MTUS2: variants seen among roughly 807,000 people sequenced by gnomAD.
MTUS2 encodes the protein microtubule associated scaffold protein 2, also known as microtubule-associated tumor suppressor candidate 2.
Under a neutral mutation model 114.1 loss-of-function variants are expected in MTUS2, and 40 were observed. That is an observed-to-expected ratio of 0.35 (90% CI 0.27 to 0.46). The LOEUF (loss-of-function observed/expected upper bound fraction) is 0.46. Ranked by LOEUF, MTUS2 falls within the 20% of genes least tolerant of loss-of-function variation. The probability of loss-of-function intolerance (pLI) is 1.00; values close to 1 mark genes in which losing one functional copy is unlikely to be tolerated. For synonymous variants in MTUS2, 688 were observed against 672.0 expected (o/e 1.02, Z -0.37); for missense variants, 1,679 against 1,705.4 (o/e 0.98, Z 0.27).
At chr13:29,383,493 C>A (rs1593377899) in intron 8 of MTUS2, among the ~76,000 whole-genome samples, 1 of 152,126 alleles carries the variant, frequency 6.6e-6, no homozygotes, top group East Asian at 1.9e-4. Context: ...GTTTCTAAGG[C>A]AAGGATGACT....
At chr13:29,491,030 C>T (rs1242296734) in intron 11 of MTUS2, among the ~76,000 whole-genome samples, 3 of 109,782 alleles carry the variant, frequency 2.7e-5, no homozygotes, top group Non-Finnish European at 4.1e-5. Flanking sequence ...TGGGGGGATG[C>T]GGGTTTGTGT....
chr13:29,178,231 A>G (rs1304440971), intron 5 of MTUS2, among the ~76,000 whole-genome samples: 1 of 152,184 alleles, frequency 6.6e-6, no homozygotes, highest in Non-Finnish European at 1.5e-5. Context: ...TTGTTTGACT[A>G]AAGCATTTGT....
intron 5 of MTUS2, among the ~76,000 whole-genome samples, chr13:29,237,508 C>T (rs1157927281): frequency 6.6e-6 from 1 of 152,122 alleles, no homozygotes; most frequent in African/African-American, 2.4e-5. Context: ...CCTGCATGTC[C>T]TGATTTTTGG....
chr13:29,291,698 T>C (rs1402260510), intron 6 of MTUS2, among the ~76,000 whole-genome samples: 2 of 152,204 alleles, frequency 1.3e-5, no homozygotes, highest in Admixed American at 1.3e-4. Context: ...TCCTTCTTTT[T>C]TCATTATCAG....
intron 5 of MTUS2, among the ~76,000 whole-genome samples, chr13:29,205,061 A>G (rs1566065089): frequency 6.6e-6 from 1 of 152,296 alleles, no homozygotes; most frequent in East Asian, 1.9e-4. Flanking sequence ...TTAAAGGTAG[A>G]AGACAGAATT....
chr13:29,353,977 A>G (rs562444601), intron 7 of MTUS2, among the ~76,000 whole-genome samples: 1 of 152,236 alleles, frequency 6.6e-6, no homozygotes, highest in Middle Eastern at 3.4e-3. Context: ...CTCTCTGTGG[A>G]GCTCAATCCT....
chr13:29,160,861 TAAACAC>T (rs1049377266), intron 5 of MTUS2, among the ~76,000 whole-genome samples: 1 of 152,196 alleles, frequency 6.6e-6, no homozygotes, highest in African/African-American at 2.4e-5. Flanking sequence ...ACTGTACTGA[TAAACAC>T]AACAACCTTG....
intron 1 of MTUS2, among the ~76,000 whole-genome samples, chr13:28,836,573 G>A (rs1185903946): frequency 6.6e-6 from 1 of 152,222 alleles, no homozygotes; most frequent in Non-Finnish European, 1.5e-5. Context: ...CCAAGGAAGG[G>A]AGTGGTCAGT....
At chr13:29,114,191 A>G (rs1401417362) in intron 5 of MTUS2, among the ~76,000 whole-genome samples, 2 of 152,004 alleles carry the variant, frequency 1.3e-5, no homozygotes, top group African/African-American at 2.4e-5. Context: ...AGTCCCAGGT[A>G]CTTCTTTATA....
chr13:29,083,945 A>G (rs558802302), intron 4 of MTUS2, among the ~76,000 whole-genome samples: 1 of 152,328 alleles, frequency 6.6e-6, no homozygotes, highest in Non-Finnish European at 1.5e-5. Flanking sequence ...CCTGCAGTTA[A>G]GGTGAAACAT....
intron 9 of MTUS2, among the ~76,000 whole-genome samples, chr13:29,443,213 G>A (rs1878023242): frequency 1.3e-5 from 2 of 152,198 alleles, no homozygotes; most frequent in Admixed American, 6.5e-5. Flanking sequence ...ACTATCCGGT[G>A]TGTAGCACCT....
intron 2 of MTUS2, among the ~76,000 whole-genome samples, chr13:28,939,946 AG>A (rs1340032710): frequency 6.6e-6 from 1 of 152,184 alleles, no homozygotes; most frequent in African/African-American, 2.4e-5. Context: ...GAGCTTGTGC[AG>A]GGGAACTCTC....
chr13:29,299,048 G>A (rs1205872851), intron 6 of MTUS2, among the ~76,000 whole-genome samples: 2 of 152,184 alleles, frequency 1.3e-5, no homozygotes, highest in Admixed American at 1.3e-4. Flanking sequence ...GAGTTTGTAG[G>A]AGAATAGAAG....
intron 2 of MTUS2, 133 bp from the exon 3 acceptor site, chr13:29,024,324 G>C (rs1886413481): frequency 9.1e-6 from 2 of 219,558 alleles, no homozygotes; most frequent in African/African-American, 2.3e-5. Flanking sequence ...TGATCAGAAA[G>C]GTTTTTTGAG....
intron 2 of MTUS2, among the ~76,000 whole-genome samples, chr13:28,914,088 T>G (rs1405387070): frequency 2.6e-5 from 4 of 151,968 alleles, no homozygotes; most frequent in East Asian, 1.9e-4. Context: ...GAAGGGTTTT[T>G]TGTGTGTGTG....
chr13:29,050,599 C>A, intron 4 of MTUS2, among the ~76,000 whole-genome samples: 1 of 152,228 alleles, frequency 6.6e-6, no homozygotes, highest in South Asian at 2.1e-4. Context: ...TCTTACCCCC[C>A]TCTTCACACC....
At chr13:29,242,247 A>G (rs957961993) in intron 5 of MTUS2, among the ~76,000 whole-genome samples, 6 of 152,084 alleles carry the variant, frequency 3.9e-5, no homozygotes, top group Admixed American at 2.6e-4. Context: ...GTTAATCCCT[A>G]TTTCTATCCC....
intron 5 of MTUS2, among the ~76,000 whole-genome samples, chr13:29,209,567 T>C (rs1419556390): frequency 6.6e-6 from 1 of 152,160 alleles, no homozygotes; most frequent in Non-Finnish European, 1.5e-5. Flanking sequence ...TTTTTATATA[T>C]TTTGAGGATT....
chr13:28,901,452 A>G (rs1286614170), intron 2 of MTUS2, among the ~76,000 whole-genome samples: 4 of 152,144 alleles, frequency 2.6e-5, no homozygotes, highest in African/African-American at 7.2e-5. Flanking sequence ...TTAGATCCCA[A>G]AGATTTTCTC....
Sources: gnomAD v4.1 joint callset for allele counts (sites outside exome capture counted in the v4.1 genomes callset) on GRCh38, gnomAD v4.1.1 for gene constraint, MANE v1.5 for transcripts, NCBI Gene and HGNC (gene_info 2026-07-23, HGNC 2026-07-21) for gene names.